MGST1: variants seen among roughly 807,000 people sequenced by gnomAD.
MGST1 encodes the protein glutathione S-transferase 12.
In MGST1, 5 loss-of-function variants were observed where a neutral mutation model predicts 8.9. The ratio of observed to expected loss-of-function variants is 0.56; its 90% CI spans 0.29 to 1.19. MGST1 has a LOEUF of 1.19. MGST1 is among the 50% of genes most tolerant of loss of function. The pLI is 0.08. For synonymous variants in MGST1, 54 were observed against 67.8 expected (o/e 0.80, Z 1.00); for missense variants, 182 against 187.4 (o/e 0.97, Z 0.17).
At chr12:16,495,025 G>A (rs574121460) in intron 4 of MGST1, among the ~76,000 whole-genome samples, 1 of 152,242 alleles carries the variant, frequency 6.6e-6, no homozygotes, top group African/African-American at 2.4e-5. Flanking sequence ...ATACGCACCA[G>A]CTGTATGGAG....
chr12:16,541,805 G>C (rs1326240669), intron 4 of MGST1, among the ~76,000 whole-genome samples: 1 of 152,094 alleles, frequency 6.6e-6, no homozygotes, highest in Non-Finnish European at 1.5e-5. Context: ...GGCTAAGTAA[G>C]AATATCAGAA....
chr12:16,517,085 T>TA lies in MGST1; in HGVS notation n.483-72435dup, dbSNP rs370811731. Reference sequence around the variant, plus strand: ...GACATGAATGAAATTGGAGTTACATTAAAAAAAATCAATATGTAACCTGAG... The same window carrying TA: ...GACATGAATGAAATTGGAGTTACATTAAAAAAAAATCAATATGTAACCTGAG... On this transcript the variant is annotated intron_variant and non_coding_transcript_variant, in intron 4 of 4. Coordinates refer to the MGST1 transcript ENST00000538857. This position sits in a 1 kb window ranked among gnomAD's most constrained non-coding sequence, Gnocchi z 4.2. Among the ~76,000 whole-genome samples the TA allele has an allele frequency of 6.6e-6, 1 of 151,862 alleles. No homozygotes were observed. Among genetic ancestry groups the TA allele is most frequent in the African/African-American group, 2.4e-5 (1 of 41,314 alleles).
At chr12:16,375,768 GAT>G (rs1352884939) in intron 3 of MGST1, among the ~76,000 whole-genome samples, 1 of 151,748 alleles carries the variant, frequency 6.6e-6, no homozygotes, top group African/African-American at 2.4e-5. Context: ...ACAAAACAAA[GAT>G]AATTATTTTT....
At chr12:16,408,447 T>C (rs1319768515) in intron 1 of MGST1, among the ~76,000 whole-genome samples, 1 of 152,210 alleles carries the variant, frequency 6.6e-6, no homozygotes, top group Non-Finnish European at 1.5e-5. Context: ...TATAATGTGA[T>C]AGTGGTTTTC....
At chr12:16,490,809 C>A (rs752023844) in intron 4 of MGST1, among the ~76,000 whole-genome samples, 3 of 152,148 alleles carry the variant, frequency 2.0e-5, no homozygotes, top group Non-Finnish European at 4.4e-5. Context: ...AAAATCCCTC[C>A]ATCCATCCCG....
chr12:16,562,870 C>G (rs1039652679), intron 4 of MGST1, among the ~76,000 whole-genome samples: 4 of 152,200 alleles, frequency 2.6e-5, no homozygotes, highest in African/African-American at 9.7e-5. Flanking sequence ...AGTGTACTTT[C>G]CACTACAATG....
At chr12:16,543,117 C>T (rs985695028) in intron 4 of MGST1, among the ~76,000 whole-genome samples, 9 of 152,164 alleles carry the variant, frequency 5.9e-5, no homozygotes, top group African/African-American at 2.2e-4. Flanking sequence ...AGGGACTCTT[C>T]ATTACATTCC....
At chr12:16,349,570 T>C (rs1210893496) in intron 1 of MGST1, among the ~76,000 whole-genome samples, 1 of 152,132 alleles carries the variant, frequency 6.6e-6, no homozygotes, top group Non-Finnish European at 1.5e-5. Context: ...TTTCCTTACA[T>C]ACTAAAGGTA....
downstream of MGST1, among the ~76,000 whole-genome samples, chr12:16,591,053 C>T (rs191027030): frequency 6.6e-6 from 1 of 152,024 alleles, no homozygotes; most frequent in Non-Finnish European, 1.5e-5. The surrounding 1 kb of genome is among the most constrained non-coding windows in gnomAD (Gnocchi z 4.1). Context: ...ATAAGCTTTA[C>T]AATGGTTTTC....
intron 4 of MGST1, among the ~76,000 whole-genome samples, chr12:16,483,125 C>G (rs966947124): frequency 6.6e-6 from 1 of 152,206 alleles, no homozygotes; most frequent in Non-Finnish European, 1.5e-5. Context: ...TAAGCAGGCA[C>G]AGCCTGCTAA....
chr12:16,375,128 G>T (rs1439921383), intron 3 of MGST1, among the ~76,000 whole-genome samples: 1 of 152,114 alleles, frequency 6.6e-6, no homozygotes, highest in Non-Finnish European at 1.5e-5. Flanking sequence ...TGTTCCTCCT[G>T]CCTTGGCCTC....
At chr12:16,531,790 C>G (rs1453084344) in intron 4 of MGST1, among the ~76,000 whole-genome samples, 2 of 152,132 alleles carry the variant, frequency 1.3e-5, no homozygotes, top group Non-Finnish European at 2.9e-5. Flanking sequence ...GGTATTGTTT[C>G]TGTGGGTAAA....
intron 4 of MGST1, among the ~76,000 whole-genome samples, chr12:16,488,474 T>C (rs1229615129): frequency 6.6e-6 from 1 of 152,118 alleles, no homozygotes. Flanking sequence ...CTTTTCCTCT[T>C]CCCCATTGCG....
intron 4 of MGST1, among the ~76,000 whole-genome samples, chr12:16,484,263 G>A (rs1007563280): frequency 2.0e-5 from 3 of 152,126 alleles, no homozygotes; most frequent in African/African-American, 7.2e-5. Flanking sequence ...CATGGTTCAG[G>A]AGCTAGAATC....
intron 4 of MGST1, among the ~76,000 whole-genome samples, chr12:16,542,743 C>T (rs1941800127): frequency 6.6e-6 from 1 of 152,194 alleles, no homozygotes; most frequent in African/African-American, 2.4e-5. Flanking sequence ...TGTCTCTCCC[C>T]GAGGCCACCC....
intron 3 of MGST1, among the ~76,000 whole-genome samples, chr12:16,371,826 A>G (rs1417331793): frequency 6.6e-6 from 1 of 152,130 alleles, no homozygotes; most frequent in Non-Finnish European, 1.5e-5. Context: ...TTACTCTGGC[A>G]TAAAAACAGA....
rs1358580618 is a variant in MGST1, at chr12:16,589,076, G to A, written n.483-452G>A. On this transcript the variant is annotated intron_variant and non_coding_transcript_variant, in intron 4 of 4. Transcript: ENST00000538857. This position sits in a 1 kb window ranked among gnomAD's most constrained non-coding sequence, Gnocchi z 4.2. ...TGGGGTGTAGCAGAAGGGGGTCGACGTCAGGTCTGGATACCTCACCGTGAT... is the reference window on the plus strand; with the variant it reads ...TGGGGTGTAGCAGAAGGGGGTCGACATCAGGTCTGGATACCTCACCGTGAT... 6.6e-6 allele frequency among the ~76,000 whole-genome samples: 1 copy of A among 151,990 alleles called. No homozygotes were observed. The highest frequency in any genetic ancestry group is 2.4e-5 in the African/African-American group (1 of 41,366).
chr12:16,560,327 GT>G lies in MGST1; in HGVS notation n.483-29200del. The G allele has an allele frequency of 7.2e-7, 1 of 1,398,276 alleles. No homozygotes were observed. 86.6% of individuals were successfully genotyped at this position (1,398,276 alleles called of 1,614,324 possible). The stretch of plus-strand genomic sequence containing the variant: ...AACGCTGAGATTGATTGCTTTAAAT[GT>G]ATGAATATAATTTCCACCTATTAAA... On this transcript the variant is annotated intron_variant and non_coding_transcript_variant, in intron 4 of 4. Transcript: ENST00000538857. The surrounding 1 kb of genome is among the most constrained non-coding windows in gnomAD (Gnocchi z 5.0).
At chr12:16,457,343 T>C (rs747802685) in intron 4 of MGST1, among the ~76,000 whole-genome samples, 3 of 151,940 alleles carry the variant, frequency 2.0e-5, no homozygotes, top group Non-Finnish European at 4.4e-5. Flanking sequence ...TGCTCTAAAT[T>C]GTCGTATTAA....
Sources: gnomAD v4.1 joint callset for allele counts (sites outside exome capture counted in the v4.1 genomes callset) on GRCh38, gnomAD v4.1.1 for gene constraint, Gnocchi (gnomAD v3.1) non-coding constraint, MANE v1.5 for transcripts, NCBI Gene and HGNC (gene_info 2026-07-23, HGNC 2026-07-21) for gene names.